Variants in MCC observed in about 807,000 individuals in gnomAD.
MCC encodes MCC regulator of Wnt signaling pathway, also known as colorectal mutant cancer protein.
A neutral mutation model predicts 116.2 loss-of-function variants in MCC; 90 were observed. The observed-to-expected ratio is 0.77, with a 90% confidence interval of 0.65 to 0.92. MCC has a LOEUF of 0.92. Ranked by LOEUF, MCC falls within the 40% of genes least tolerant of loss-of-function variation. The probability of loss-of-function intolerance (pLI) is 0.00; values close to 1 mark genes in which losing one functional copy is unlikely to be tolerated. For missense variants in MCC, 1,516 were observed against 1,312.2 expected (o/e 1.16, Z -2.40); for synonymous variants, 578 against 510.5 (o/e 1.13, Z -1.78).
intron 3 of MCC, among the ~76,000 whole-genome samples, chr5:113,295,293 CG>C (rs969852630): frequency 7.2e-5 from 11 of 152,114 alleles, no homozygotes; most frequent in Non-Finnish European, 1.3e-4. Context: ...GCACTTCTCA[CG>C]GAACATTAAG....
intron 13 of MCC, among the ~76,000 whole-genome samples, chr5:113,066,962 C>A (rs2150231476): frequency 6.6e-6 from 1 of 152,308 alleles, no homozygotes; most frequent in African/African-American, 2.4e-5. Context: ...GGGCTTAGTT[C>A]TGCATGGAGA....
chr5:113,139,183 G>A (rs1051683884), intron 5 of MCC, among the ~76,000 whole-genome samples: 1 of 151,998 alleles, frequency 6.6e-6, no homozygotes, highest in Non-Finnish European at 1.5e-5. Flanking sequence ...TGGTACCAAG[G>A]ACCCCATTTT....
intron 8 of MCC, among the ~76,000 whole-genome samples, chr5:113,097,019 G>T (rs1034837027): frequency 6.6e-5 from 10 of 152,106 alleles, no homozygotes; most frequent in African/African-American, 2.4e-4. Flanking sequence ...GAACTTTTAT[G>T]AATTTAAACT....
At position 113,082,621 on chromosome 5, in the gene MCC, A is replaced by G. The variant is rs139242288; in HGVS notation, c.1784+239T>C. Among the ~76,000 whole-genome samples the G allele has an allele frequency of 3.4e-3, 512 of 152,344 alleles. 3 individuals carry two copies. The highest frequency in any genetic ancestry group is 0.012 in the African/African-American group (496 of 41,576). On this transcript the variant is annotated intron_variant, in intron 11 of 18. Transcript: ENST00000408903. ...TTGACAGCAGAGCAGTGAAGCAAGT[A>G]TGGCACCTTTCTAAGCATAAGGCCC...
intron 4 of MCC, among the ~76,000 whole-genome samples, chr5:113,148,363 A>T (rs993940923): frequency 4.0e-5 from 4 of 100,142 alleles, no homozygotes; most frequent in African/African-American, 1.3e-4. Context: ...TATTTTCAAA[A>T]CTCTACCTAC....
chr5:113,204,819 G>C (rs559723071), intron 3 of MCC, among the ~76,000 whole-genome samples: 1 of 152,262 alleles, frequency 6.6e-6, no homozygotes, highest in African/African-American at 2.4e-5. Flanking sequence ...TCAAATTCAA[G>C]GTGGATTAGT....
At chr5:113,108,567 C>T (rs1204052059) in intron 6 of MCC, among the ~76,000 whole-genome samples, 5 of 149,888 alleles carry the variant, frequency 3.3e-5, no homozygotes, top group Non-Finnish European at 5.9e-5. Flanking sequence ...GCAGGAGAAT[C>T]GCTTGAATCC....
At chr5:113,107,771 A>G (rs552213230) in intron 6 of MCC, among the ~76,000 whole-genome samples, 2 of 152,344 alleles carry the variant, frequency 1.3e-5, no homozygotes, top group East Asian at 3.9e-4. Flanking sequence ...ACCTGATGCA[A>G]TAATGACAAT....
chr5:113,357,748 A>C (rs572211188), intron 2 of MCC, among the ~76,000 whole-genome samples: 4 of 152,326 alleles, frequency 2.6e-5, no homozygotes, highest in Non-Finnish European at 5.9e-5. Context: ...GTACAACGTC[A>C]GTAAATACAC....
intron 2 of MCC, among the ~76,000 whole-genome samples, chr5:113,365,703 T>C (rs1405727985): frequency 1.3e-5 from 2 of 152,348 alleles, no homozygotes; most frequent in East Asian, 3.9e-4. Context: ...AACTGGCTCA[T>C]GGTTCCACAA....
At chr5:113,113,794 G>A (rs985335145) in intron 6 of MCC, among the ~76,000 whole-genome samples, 2 of 152,060 alleles carry the variant, frequency 1.3e-5, no homozygotes, top group African/African-American at 2.4e-5. Flanking sequence ...AGACAAAACA[G>A]CAGGAGGGAG....
At chr5:113,380,499 C>CTCATTCATTCAT (rs113806132) in intron 2 of MCC, among the ~76,000 whole-genome samples, 113 of 151,346 alleles carry the variant, frequency 7.5e-4, no homozygotes, top group African/African-American at 1.6e-3. Context: ...CAGTGCATTG[C>CTCATTCATTCAT]TCATTCATTC....
In MCC at chr5:113,143,371, G is replaced by A. The variant is rs759671046; in HGVS notation, c.742-11C>T. The A allele has an allele frequency of 6.2e-7, 1 of 1,613,532 alleles. No individual in the cohort carries two copies. Among genetic ancestry groups the A allele is most frequent in the South Asian group, 1.1e-5 (1 of 90,956 alleles). On this transcript the variant is annotated splice_polypyrimidine_tract_variant and intron_variant, in intron 4 of 18. Transcript: ENST00000408903. ...GTGGGACTGCTCGCACTGGGAATAA[G>A]GGAAAAGGACAGAAGTGCTGATGAA...
At chr5:113,111,895 T>A (rs925908749) in intron 6 of MCC, among the ~76,000 whole-genome samples, 8 of 152,194 alleles carry the variant, frequency 5.3e-5, no homozygotes, top group African/African-American at 1.9e-4. Context: ...TCTTTCTTAC[T>A]CAGGATCAGC....
intron 3 of MCC, among the ~76,000 whole-genome samples, chr5:113,305,700 G>A (rs927466622): frequency 2.6e-5 from 4 of 152,096 alleles, no homozygotes; most frequent in Non-Finnish European, 4.4e-5. Flanking sequence ...CTAGCCCAGC[G>A]ATTTTTCTCC....
At chr5:113,116,388 G>C (rs1757394842) in intron 6 of MCC, among the ~76,000 whole-genome samples, 1 of 152,196 alleles carries the variant, frequency 6.6e-6, no homozygotes, top group African/African-American at 2.4e-5. Flanking sequence ...TCCAAGGCTG[G>C]TTTCAGGAGC....
chr5:113,237,025 C>T lies in MCC; in HGVS notation c.628-85603G>A, dbSNP rs114668401. Among the ~76,000 whole-genome samples the T allele has an allele frequency of 9.8e-3, 1,499 of 152,258 alleles. 27 individuals are homozygous for T. Among genetic ancestry groups the T allele is most frequent in the African/African-American group, 0.034 (1,411 of 41,552 alleles). Reference sequence around the variant, plus strand: ...AAAAAATTGAGAAGGAAAGTGGCAACGGGGCTCCTGATCCACTGGAAGTCC... The same window carrying T: ...AAAAAATTGAGAAGGAAAGTGGCAATGGGGCTCCTGATCCACTGGAAGTCC... On this transcript the variant is annotated intron_variant, in intron 3 of 18. Coordinates refer to ENST00000408903, the MANE Select transcript of MCC (RefSeq NM_001085377.2).
intron 2 of MCC, among the ~76,000 whole-genome samples, chr5:113,364,246 AAAAAAAAAAAAAAACCAG>A (rs1393782641): frequency 7.8e-6 from 1 of 128,328 alleles, no homozygotes; most frequent in Non-Finnish European, 1.6e-5. Context: ...CAGAAAAAAA[AAAAAAAAAAAAAAACCAG>A]AAAAAAAAAA....
At chr5:113,037,647 T>C (rs1751409775) in intron 17 of MCC, among the ~76,000 whole-genome samples, 1 of 152,100 alleles carries the variant, frequency 6.6e-6, no homozygotes, top group Non-Finnish European at 1.5e-5. Context: ...AGAGCTGTGA[T>C]TGTGCCACTA....
Sources: gnomAD v4.1 joint callset for allele counts (sites outside exome capture counted in the v4.1 genomes callset) on GRCh38, gnomAD v4.1.1 for gene constraint, MANE v1.5 for transcripts, NCBI Gene and HGNC (gene_info 2026-07-23, HGNC 2026-07-21) for gene names.